Variants in ST6GALNAC3 observed in about 807,000 individuals in gnomAD.
The protein encoded by ST6GALNAC3 is ST6 N-acetylgalactosaminide alpha-2,6-sialyltransferase 3.
A neutral mutation model predicts 32.7 loss-of-function variants in ST6GALNAC3; 25 were observed. The ratio of observed to expected loss-of-function variants is 0.76; its 90% CI spans 0.56 to 1.07. The LOEUF (loss-of-function observed/expected upper bound fraction) is 1.07. ST6GALNAC3 is among the 50% of genes least tolerant of loss of function. The pLI is 0.00. For synonymous variants in ST6GALNAC3, 129 were observed against 133.1 expected, an observed-to-expected ratio of 0.97 and a Z score of 0.21; for missense variants, 355 against 382.4, an observed-to-expected ratio of 0.93 and a Z score of 0.60.
chr1:76,166,068 C>T (rs528491557), intron 1 of ST6GALNAC3, among the ~76,000 whole-genome samples: 5 of 152,128 alleles, frequency 3.3e-5, no homozygotes, highest in Admixed American at 6.6e-5. Context: ...TTGGTGTCTT[C>T]GTCATGAAAT....
intron 3 of ST6GALNAC3, among the ~76,000 whole-genome samples, chr1:76,585,392 G>GAA (rs11330040): frequency 6.9e-6 from 1 of 144,480 alleles, no homozygotes; most frequent in Non-Finnish European, 1.5e-5. Context: ...TCTCAAAAAA[G>GAA]AAAAAAAAAA....
intron 1 of ST6GALNAC3, among the ~76,000 whole-genome samples, chr1:76,142,363 T>C (rs909342616): frequency 6.6e-6 from 1 of 152,222 alleles, no homozygotes; most frequent in Non-Finnish European, 1.5e-5. Context: ...TCTGCTCCAC[T>C]GTGTCTTCCA....
At chr1:76,378,487 T>A (rs965992132) in intron 2 of ST6GALNAC3, among the ~76,000 whole-genome samples, 2 of 151,896 alleles carry the variant, frequency 1.3e-5, no homozygotes, top group Non-Finnish European at 2.9e-5. Flanking sequence ...TATGAGGAAA[T>A]GCCGTCTCTA....
At chr1:76,107,815 C>G (rs1269550304) in intron 1 of ST6GALNAC3, among the ~76,000 whole-genome samples, 2 of 152,168 alleles carry the variant, frequency 1.3e-5, no homozygotes, top group Non-Finnish European at 2.9e-5. Flanking sequence ...CTGTCCTCTC[C>G]CTCTCTCTAC....
intron 1 of ST6GALNAC3, among the ~76,000 whole-genome samples, chr1:76,176,528 G>T (rs1652866129): frequency 6.6e-6 from 1 of 152,194 alleles, no homozygotes; most frequent in Non-Finnish European, 1.5e-5. Flanking sequence ...AGACATCTGT[G>T]ACGTTCAGTT....
At chr1:76,351,480 A>G (rs561666549) in intron 2 of ST6GALNAC3, among the ~76,000 whole-genome samples, 26 of 152,182 alleles carry the variant, frequency 1.7e-4, no homozygotes, top group African/African-American at 6.0e-4. Context: ...GATCTGTGAT[A>G]TACTTTAAAA....
At chr1:76,078,034 C>A (rs939327019) in intron 1 of ST6GALNAC3, among the ~76,000 whole-genome samples, 6 of 152,160 alleles carry the variant, frequency 3.9e-5, no homozygotes, top group African/African-American at 1.4e-4. Flanking sequence ...AAGGAGAGAG[C>A]AATTACCCCT....
chr1:76,302,460 CTGTT>C (rs1309342641), intron 1 of ST6GALNAC3, among the ~76,000 whole-genome samples: 1 of 151,984 alleles, frequency 6.6e-6, no homozygotes, highest in African/African-American at 2.4e-5. Flanking sequence ...AAGGGAATAG[CTGTT>C]TGGTGTTTCA....
chr1:76,258,391 GCTT>G (rs1184363483), intron 1 of ST6GALNAC3, among the ~76,000 whole-genome samples: 1 of 152,124 alleles, frequency 6.6e-6, no homozygotes, highest in African/African-American at 2.4e-5. Context: ...ATCAAATACT[GCTT>G]CTTCAGATCT....
At chr1:76,508,301 A>G (rs1310392505) in intron 3 of ST6GALNAC3, among the ~76,000 whole-genome samples, 1 of 152,194 alleles carries the variant, frequency 6.6e-6, no homozygotes, top group Non-Finnish European at 1.5e-5. Flanking sequence ...GATGGAACTC[A>G]GGCAGTAATG....
chr1:76,085,339 G>A (rs17098064), intron 1 of ST6GALNAC3, among the ~76,000 whole-genome samples: 15,361 of 152,220 alleles, frequency 0.1, 1,693 homozygotes, highest in African/African-American at 0.28. Flanking sequence ...AGGCTGTTGA[G>A]TTCTTTCAGT....
At chr1:76,213,416 T>C (rs1655278047) in intron 1 of ST6GALNAC3, among the ~76,000 whole-genome samples, 1 of 152,200 alleles carries the variant, frequency 6.6e-6, no homozygotes, top group Non-Finnish European at 1.5e-5. Context: ...ACCTTTATTG[T>C]TTTAAGTCAA....
chr1:76,272,651 A>AT (rs1296840426), intron 1 of ST6GALNAC3, among the ~76,000 whole-genome samples: 6 of 152,132 alleles, frequency 3.9e-5, no homozygotes, highest in African/African-American at 1.4e-4. Context: ...GTGTAGCGTG[A>AT]TGGGTCCATT....
chr1:76,291,332 C>T (rs1366047303), intron 1 of ST6GALNAC3, among the ~76,000 whole-genome samples: 2 of 152,220 alleles, frequency 1.3e-5, no homozygotes, highest in East Asian at 1.9e-4. Flanking sequence ...CCACGCCAGC[C>T]GAAGGGGCAT....
intron 1 of ST6GALNAC3, among the ~76,000 whole-genome samples, chr1:76,274,425 C>A (rs182783883): frequency 6.6e-6 from 1 of 152,278 alleles, no homozygotes; most frequent in Admixed American, 6.5e-5. Context: ...TGCCCCCAAT[C>A]TCTCCCAATC....
chr1:76,153,557 C>G (rs392194), intron 1 of ST6GALNAC3, among the ~76,000 whole-genome samples: 143,056 of 152,200 alleles, frequency 0.94, 67,874 homozygotes, highest in East Asian at 1. Context: ...TCAAGCATGG[C>G]TATTCCTTGT....
chr1:76,345,007 G>T (rs560563299), intron 2 of ST6GALNAC3, among the ~76,000 whole-genome samples: 3 of 152,202 alleles, frequency 2.0e-5, no homozygotes, highest in African/African-American at 7.2e-5. Context: ...ACCTGTCTTC[G>T]CAGACCCTCA....
chr1:76,316,063 A>G (rs771847666), intron 2 of ST6GALNAC3, among the ~76,000 whole-genome samples: 4 of 150,180 alleles, frequency 2.7e-5, no homozygotes, highest in Non-Finnish European at 4.5e-5. Flanking sequence ...ATATTTAAAA[A>G]TCACAAAGAG....
chr1:76,115,574 G>A (rs1405189842), intron 1 of ST6GALNAC3, among the ~76,000 whole-genome samples: 1 of 152,152 alleles, frequency 6.6e-6, no homozygotes, highest in Admixed American at 6.5e-5. Flanking sequence ...TTTCAGATGA[G>A]TGGCTAGTAG....
Sources: allele counts gnomAD v4.1 joint callset (sites outside exome capture counted in the v4.1 genomes callset), GRCh38; gene constraint gnomAD v4.1.1; transcripts MANE v1.5; gene names NCBI Gene and HGNC (gene_info 2026-07-23, HGNC 2026-07-21).